Variants in HSCB observed in about 807,000 individuals in gnomAD.
HSCB encodes iron-sulfur cluster co-chaperone protein HscB.
In HSCB, 23 loss-of-function variants were observed where a neutral mutation model predicts 31.3. The observed-to-expected ratio is 0.74, with a 90% CI of 0.53 to 1.04. The LOEUF (loss-of-function observed/expected upper bound fraction) is 1.04, where lower values mean the gene tolerates loss of function less well. HSCB is among the 50% of genes least tolerant of loss of function. The pLI is 0.00. For synonymous variants in HSCB, 110 were observed against 104.5 expected, an observed-to-expected ratio of 1.05 and a Z score of -0.32; for missense variants, 297 against 288.1, an observed-to-expected ratio of 1.03 and a Z score of -0.22.
At chr22:28,749,559 T>C (rs1187540936) in intron 4 of HSCB, among the ~76,000 whole-genome samples, 1 of 152,232 alleles carries the variant, frequency 6.6e-6, no homozygotes. Flanking sequence ...GTCTACTTTT[T>C]GCTTCCCTCA....
intron 5 of HSCB, among the ~76,000 whole-genome samples, chr22:28,756,249 CAAAAA>C (rs150222695): frequency 1.0e-5 from 1 of 99,744 alleles, no homozygotes; most frequent in Non-Finnish European, 2.2e-5. Flanking sequence ...CTCCATCTCA[CAAAAA>C]AAAAAAAAAA....
At chr22:28,755,559 G>GT (rs2030549823) in intron 5 of HSCB, among the ~76,000 whole-genome samples, 3 of 151,936 alleles carry the variant, frequency 2.0e-5, no homozygotes. Flanking sequence ...TTTCTTGATA[G>GT]TTTTAACCAT....
rs913636372 is a variant in HSCB, at chr22:28,757,059, G to A, written c.617-19G>A. On this transcript the variant is annotated intron_variant, in intron 5 of 5. Transcript: ENST00000216027. ...TTGCTTGAAATGAAGCCTGACTTCA[G>A]TGTCTCTGTCTATTTCAGATGACTT... 7.3e-7 allele frequency: 1 copy of A among 1,378,072 alleles called. No individual in the cohort carries two copies. The allele number at this position is 1,378,072 out of a possible 1,614,324, so 85.4% of individuals were successfully genotyped here. A position where few individuals can be genotyped will look rare whatever the true frequency, so the allele number is the denominator to read the frequency against.
chr22:28,746,101 C>A, intron 4 of HSCB, 93 bp downstream of exon 4: 1 of 1,289,554 alleles, frequency 7.8e-7, no homozygotes, highest in Non-Finnish European at 1.1e-6. Context: ...ATATAATGGC[C>A]CGGGTGCAGT....
At chr22:28,744,830 C>A (rs2054657820) in intron 3 of HSCB, 126 bp downstream of exon 3, 1 of 754,582 alleles carries the variant, frequency 1.3e-6, no homozygotes, top group Non-Finnish European at 2.3e-6. Context: ...CACCTGTAAT[C>A]CCAGAACTTT....
Position 28,743,926 on chromosome 22 carries a change from A to C in HSCB, c.281A>C (p.Tyr94Ser), listed in dbSNP as rs1263435543. 1 of 1,614,104 alleles carries C rather than the reference A, an allele frequency of 6.2e-7. No homozygotes were observed. Among genetic ancestry groups the C allele is most frequent in the African/African-American group, 1.3e-5 (1 of 74,956 alleles). The change falls in exon 2 of 6, where the codon TAC becomes TCC. Residue 94 changes from tyrosine (Y) to serine (S), a missense_variant. Physicochemically the swap from Tyr to Ser is moderately radical, Grantham distance 144. Coordinates refer to ENST00000216027, the MANE Select transcript of HSCB (RefSeq NM_172002.5). ...GATACAGCGAAGCTCCAGCACAGGT[A>C]CCAGCAACTGCAGCGTCTTGTCCAC... ...RVDTAKLQHR[Y>S]QQLQRLVHPD...
chr22:28,745,242 T>C (rs1281142633), intron 3 of HSCB: 1 of 152,600 alleles, frequency 6.6e-6, no homozygotes, highest in Non-Finnish European at 1.5e-5. Context: ...GTTTTGTTTT[T>C]TTTTCCTCTC....
rs717869 is a variant in HSCB at position 28,749,689 on chromosome 22, C to T, written c.569-1552C>T. Among the ~76,000 whole-genome samples, 1,003 of 152,128 alleles carry T rather than the reference C, an allele frequency of 6.6e-3. 11 individuals are homozygous for T. Among genetic ancestry groups the T allele is most frequent in the African/African-American group, 0.021 (856 of 41,504 alleles). On this transcript the variant is annotated intron_variant, in intron 4 of 5. Coordinates refer to ENST00000216027, the MANE Select transcript of HSCB (RefSeq NM_172002.5). Reference sequence around the variant, plus strand: ...AATATAGAATTTGTGGTGAGGGGACCGTCAGCTTGGAGATATGTTCACAGC... The same window carrying T: ...AATATAGAATTTGTGGTGAGGGGACTGTCAGCTTGGAGATATGTTCACAGC...
intron 4 of HSCB, among the ~76,000 whole-genome samples, chr22:28,748,414 G>A (rs2029976120): frequency 6.6e-6 from 1 of 151,988 alleles, no homozygotes; most frequent in Non-Finnish European, 1.5e-5. Flanking sequence ...CTGGACAACT[G>A]CAGTAGCTTT....
At chr22:28,745,831 T>G in intron 3 of HSCB, 33 bp from the exon 4 acceptor site, 1 of 1,575,752 alleles carries the variant, frequency 6.3e-7, no homozygotes, top group Non-Finnish European at 8.6e-7. Context: ...CATAGCTTCT[T>G]CAACTTATTT....
rs2030679606 is a variant in HSCB, at chr22:28,757,393, G to A, written c.*224G>A. Reference sequence around the variant, plus strand: ...CCAGCTACTTGGTAGGCCGAGGCAGGAGAATCGCTTAAACCCGTGAGGTGG... The same window carrying A: ...CCAGCTACTTGGTAGGCCGAGGCAGAAGAATCGCTTAAACCCGTGAGGTGG... On this transcript the variant is annotated 3_prime_UTR_variant, in exon 6 of 6. Coordinates refer to ENST00000216027, the MANE Select transcript of HSCB (RefSeq NM_172002.5). 7.8e-6 allele frequency: 3 copies of A among 387,044 alleles called. No individual in the cohort carries two copies. Among genetic ancestry groups the A allele is most frequent in the Non-Finnish European group, 4.9e-6 (1 of 206,114 alleles). The allele number at this position is 387,044 out of a possible 1,614,324, so 24.0% of individuals were successfully genotyped here. A position where few individuals can be genotyped will look rare whatever the true frequency, so the allele number is the denominator to read the frequency against.
In HSCB at chr22:28,754,452, C is replaced by G. The variant is rs572751980; in HGVS notation, c.617-2626C>G. ...TGAGAGACTGAGGCAGACAGATCAT[C>G]TCAGGGCAGGAATTTGAGACCAGCC... is the stretch of plus-strand genomic sequence containing the variant. On this transcript the variant is annotated intron_variant, in intron 5 of 5. Coordinates refer to ENST00000216027, the MANE Select transcript of HSCB (RefSeq NM_172002.5). Among the ~76,000 whole-genome samples, 16 of 151,996 alleles carry G rather than the reference C, an allele frequency of 1.1e-4. No homozygotes were observed. In the South Asian group the frequency reaches 3.3e-3, roughly 32 times the overall value.
chr22:28,749,547 A>G (rs1295799243), intron 4 of HSCB, among the ~76,000 whole-genome samples: 1 of 152,208 alleles, frequency 6.6e-6, no homozygotes, highest in Non-Finnish European at 1.5e-5. Flanking sequence ...AGGAGAAATC[A>G]TGTCTACTTT....
At chr22:28,744,783 C>A in intron 3 of HSCB, 79 bp downstream of exon 3, 1 of 1,142,828 alleles carries the variant, frequency 8.8e-7, no homozygotes, top group Non-Finnish European at 1.3e-6. Flanking sequence ...CCCCTTTATT[C>A]AGCAGAAGAG....
At chr22:28,756,249 CAAAA>C (rs150222695) in intron 5 of HSCB, among the ~76,000 whole-genome samples, 2 of 99,724 alleles carry the variant, frequency 2.0e-5, no homozygotes, top group Non-Finnish European at 4.4e-5. Flanking sequence ...CTCCATCTCA[CAAAA>C]AAAAAAAAAA....
In HSCB at chr22:28,757,356, G is replaced by C; in HGVS notation, c.*187G>C. 2.3e-6 allele frequency: 1 copy of C among 431,854 alleles called. No homozygotes were observed. The highest frequency in any genetic ancestry group is 4.4e-6 in the Non-Finnish European group (1 of 229,022). The allele number at this position is 431,854 out of a possible 1,614,324, so 26.8% of individuals were successfully genotyped here. The stretch of plus-strand genomic sequence containing the variant: ...AAAAATTAGCCGGGCATGGTGGCGC[G>C]TGCCTGTAATCCCAGCTACTTGGTA... On this transcript the variant is annotated 3_prime_UTR_variant, in exon 6 of 6. Transcript: ENST00000216027.
In HSCB at chr22:28,751,967, A is replaced by G. The variant is rs1427070635; in HGVS notation, c.616+679A>G. Among the ~76,000 whole-genome samples, 10 of 150,718 alleles carry G rather than the reference A, an allele frequency of 6.6e-5. No individual in the cohort carries two copies. The East Asian group carries it at 2.0e-3, about 30-fold the overall frequency. Reference sequence around the variant, plus strand: ...TAACTGAGTGTGGTGGCATGTGCCTACAGTCCCAGCTACTCAAGAGGCTGA... The same window carrying G: ...TAACTGAGTGTGGTGGCATGTGCCTGCAGTCCCAGCTACTCAAGAGGCTGA... On this transcript the variant is annotated intron_variant, in intron 5 of 5. Transcript: ENST00000216027.
At chr22:28,753,560 C>T (rs974950642) in intron 5 of HSCB, among the ~76,000 whole-genome samples, 3 of 151,640 alleles carry the variant, frequency 2.0e-5, no homozygotes, top group Admixed American at 1.3e-4. Context: ...TGACACCAGC[C>T]GGGCACGGTG....
chr22:28,746,956 C>G (rs1447312927), intron 4 of HSCB, among the ~76,000 whole-genome samples: 1 of 151,082 alleles, frequency 6.6e-6, no homozygotes, highest in Non-Finnish European at 1.5e-5. Context: ...CCCAGCTATT[C>G]AGGAGGATGA....
Sources: gnomAD v4.1 joint callset for allele counts (sites outside exome capture counted in the v4.1 genomes callset) on GRCh38, gnomAD v4.1.1 for gene constraint, MANE v1.5 for transcripts, NCBI Gene and HGNC (gene_info 2026-07-23, HGNC 2026-07-21) for gene names.